The following ZFHX3 variants were observed in gnomAD, a reference collection of about 807,000 sequenced individuals.
The protein encoded by ZFHX3 is zinc finger homeobox 3, also known as zinc finger homeobox protein 3.
In ZFHX3, 42 loss-of-function variants were observed where a neutral mutation model predicts 279.1. The ratio of observed to expected loss-of-function variants is 0.15; its 90% CI spans 0.12 to 0.19. ZFHX3 has a LOEUF of 0.19. Among genes scored for constraint, ZFHX3 ranks in the 10% least tolerant of loss-of-function variants. The probability of loss-of-function intolerance (pLI) is 1.00; values close to 1 mark genes in which losing one functional copy is unlikely to be tolerated. For synonymous variants in ZFHX3, 2,293 were observed against 1,957.8 expected (o/e 1.17, Z -4.52); for missense variants, 4,981 against 4,754.0 (o/e 1.05, Z -1.40).
chr16:73,160,777 T>G (rs1378474349), intron 5 of ZFHX3, among the ~76,000 whole-genome samples: 1 of 150,190 alleles, frequency 6.7e-6, no homozygotes, highest in Non-Finnish European at 1.5e-5. Flanking sequence ...CTCTTCTTTT[T>G]TTTTTTTTTT....
intron 1 of ZFHX3, among the ~76,000 whole-genome samples, chr16:73,771,939 G>A (rs1427486803): frequency 6.6e-6 from 1 of 151,834 alleles, no homozygotes; most frequent in Admixed American, 6.6e-5. Flanking sequence ...CTTCTGGGAG[G>A]ATATAAATTA....
At chr16:73,758,090 A>G (rs2053828746) in intron 1 of ZFHX3, among the ~76,000 whole-genome samples, 1 of 152,198 alleles carries the variant, frequency 6.6e-6, no homozygotes, top group Admixed American at 6.5e-5. Context: ...CCTGCCCAAA[A>G]TCCTGAACAA....
At chr16:72,924,633 ACACCAGCC>A (rs1392279028) in intron 3 of ZFHX3, among the ~76,000 whole-genome samples, 1 of 152,126 alleles carries the variant, frequency 6.6e-6, no homozygotes, top group Non-Finnish European at 1.5e-5. Flanking sequence ...CAGAACTACG[ACACCAGCC>A]CTAAGAAGCC....
chr16:73,849,453 AT>A (rs1221249677), intron 1 of ZFHX3, among the ~76,000 whole-genome samples: 2 of 152,030 alleles, frequency 1.3e-5, no homozygotes, highest in Non-Finnish European at 1.5e-5. Context: ...TATGATTTCT[AT>A]TTTTTCCTGT....
intron 6 of ZFHX3, among the ~76,000 whole-genome samples, chr16:73,141,300 C>T (rs187335684): frequency 7.2e-5 from 11 of 152,232 alleles, no homozygotes; most frequent in South Asian, 6.2e-4. Flanking sequence ...AAAGCTCACA[C>T]GCTTTCTGAG....
At chr16:72,874,198 ATTTTTTT>A (rs565664402) in intron 4 of ZFHX3, among the ~76,000 whole-genome samples, 38 of 95,134 alleles carry the variant, frequency 4.0e-4, no homozygotes, top group Admixed American at 8.8e-4. Context: ...GGATTTTTTG[ATTTTTTT>A]TTTTTTTTTT....
chr16:72,925,685 G>A (rs751942427), intron 3 of ZFHX3, among the ~76,000 whole-genome samples: 9 of 152,228 alleles, frequency 5.9e-5, no homozygotes, highest in East Asian at 1.9e-4. Flanking sequence ...AAATGGACCC[G>A]CACAATCATC....
intron 5 of ZFHX3, among the ~76,000 whole-genome samples, chr16:73,152,299 C>T (rs371751457): frequency 3.9e-5 from 6 of 152,110 alleles, no homozygotes; most frequent in Admixed American, 3.3e-4. Context: ...CTGTCAGAGA[C>T]GGTGACAGTT....
chr16:73,657,142 C>A (rs535863745), intron 2 of ZFHX3, among the ~76,000 whole-genome samples: 1 of 152,194 alleles, frequency 6.6e-6, no homozygotes, highest in South Asian at 2.1e-4. Context: ...AGTCCATATA[C>A]GGTAGAATTC....
intron 5 of ZFHX3, among the ~76,000 whole-genome samples, chr16:73,238,667 C>G (rs1328210780): frequency 6.6e-6 from 1 of 152,136 alleles, no homozygotes; most frequent in Non-Finnish European, 1.5e-5. Context: ...TTTGTGAGAT[C>G]CTTCTGAGGA....
At chr16:73,799,768 A>G (rs924488404) in intron 1 of ZFHX3, among the ~76,000 whole-genome samples, 4 of 152,216 alleles carry the variant, frequency 2.6e-5, no homozygotes, top group African/African-American at 9.7e-5. Context: ...GCTTCCAGCT[A>G]AGCTGTGAAG....
intron 4 of ZFHX3, among the ~76,000 whole-genome samples, chr16:73,314,965 C>T (rs140844659): frequency 0.018 from 2,765 of 152,278 alleles, 90 homozygotes; most frequent in African/African-American, 0.063. Flanking sequence ...TGATGGCTCA[C>T]GCCTGTAATT....
At chr16:72,823,284 T>C (rs891300730) in intron 5 of ZFHX3, among the ~76,000 whole-genome samples, 11 of 152,192 alleles carry the variant, frequency 7.2e-5, no homozygotes, top group African/African-American at 2.2e-4. Flanking sequence ...AAATTTACTT[T>C]TGGGTGAGGT....
intron 1 of ZFHX3, among the ~76,000 whole-genome samples, chr16:73,881,828 C>T (rs1413694170): frequency 1.3e-5 from 2 of 151,952 alleles, no homozygotes; most frequent in Non-Finnish European, 2.9e-5. Context: ...GATTTTCTTT[C>T]TGTTCTCTGC....
intron 6 of ZFHX3, among the ~76,000 whole-genome samples, chr16:73,137,759 G>A (rs975661758): frequency 6.6e-6 from 1 of 151,962 alleles, no homozygotes; most frequent in African/African-American, 2.4e-5. Flanking sequence ...GAGAAAGCAT[G>A]GAATTAAAAA....
At chr16:72,871,080 T>A (rs1044865628) in intron 4 of ZFHX3, among the ~76,000 whole-genome samples, 6 of 152,236 alleles carry the variant, frequency 3.9e-5, no homozygotes, top group Non-Finnish European at 5.9e-5. Context: ...GGAAATGTGG[T>A]AAAATGCTAA....
At chr16:73,343,719 T>C (rs1053172844) in intron 3 of ZFHX3, among the ~76,000 whole-genome samples, 3 of 152,146 alleles carry the variant, frequency 2.0e-5, no homozygotes, top group African/African-American at 7.2e-5. Context: ...ATCCCATCTC[T>C]AAAGCAACAA....
intron 2 of ZFHX3, among the ~76,000 whole-genome samples, chr16:73,495,801 A>G (rs1294088225): frequency 5.9e-5 from 9 of 152,228 alleles, no homozygotes; most frequent in Non-Finnish European, 1.2e-4. Flanking sequence ...CTAAATGCAG[A>G]CAGAACACTT....
intron 4 of ZFHX3, among the ~76,000 whole-genome samples, chr16:73,317,933 T>A (rs1337750691): frequency 6.6e-6 from 1 of 152,202 alleles, no homozygotes; most frequent in African/African-American, 2.4e-5. Flanking sequence ...GCCAGAGTGA[T>A]ACTGACAATT....
Sources: allele counts gnomAD v4.1 joint callset (sites outside exome capture counted in the v4.1 genomes callset), GRCh38; gene constraint gnomAD v4.1.1; transcripts MANE v1.5; gene names NCBI Gene and HGNC (gene_info 2026-07-23, HGNC 2026-07-21).